The following AFF3 variants were observed in gnomAD, a reference collection of about 807,000 sequenced individuals.
The protein encoded by AFF3 is AF4/FMR2 family member 3.
A neutral mutation model predicts 129.7 loss-of-function variants in AFF3; 32 were observed. The observed-to-expected ratio is 0.25, with a 90% CI of 0.19 to 0.33. The LOEUF is 0.33. Ranked by LOEUF, AFF3 falls within the 10% of genes least tolerant of loss-of-function variation. AFF3 has a pLI of 1.00. For synonymous variants in AFF3, 644 were observed against 635.4 expected, an observed-to-expected ratio of 1.01 and a Z score of -0.20; for missense variants, 1,373 against 1,592.0, an observed-to-expected ratio of 0.86 and a Z score of 2.34.
chr2:100,031,632 T>C (rs1573188580), intron 4 of AFF3, among the ~76,000 whole-genome samples: 1 of 152,210 alleles, frequency 6.6e-6, no homozygotes, highest in East Asian at 1.9e-4. Flanking sequence ...AGGCACCTTG[T>C]AGTGCAGAAA....
In AFF3 at chr2:99,866,702, C is replaced by T. The variant is rs569913800; in HGVS notation, c.874-29178G>A. ...AAAAAATCAAGCACTGGCGGTCGGG[C>T]GTGGTGGCTCACGCTTGTAATTCCA... is the stretch of plus-strand genomic sequence containing the variant. On this transcript the variant is annotated intron_variant, in intron 7 of 24. Transcript: ENST00000672756. Among the ~76,000 whole-genome samples the T allele has an allele frequency of 2.1e-4, 32 of 152,062 alleles. No homozygotes were observed. In the South Asian group the frequency reaches 5.0e-3, roughly 24 times the overall value.
chr2:100,112,342 A>G (rs1691544305), intron 2 of AFF3: 2 of 152,240 alleles, frequency 1.3e-5, no homozygotes, highest in South Asian at 2.1e-4. Flanking sequence ...AATGCCCACA[A>G]CAAGATAGGA....
intron 11 of AFF3, among the ~76,000 whole-genome samples, chr2:99,673,351 C>T (rs1158752676): frequency 6.6e-6 from 1 of 152,110 alleles, no homozygotes; most frequent in African/African-American, 2.4e-5. Context: ...GAAGGTGATT[C>T]CCCAGCCCAC....
chr2:100,140,675 C>T (rs766858135), intron 1 of AFF3, among the ~76,000 whole-genome samples: 19 of 152,182 alleles, frequency 1.2e-4, no homozygotes, highest in South Asian at 4.1e-4. Flanking sequence ...TGGATGTCAC[C>T]GTTCCATGTG....
At chr2:99,793,316 CCTT>C (rs1307035717) in intron 8 of AFF3, among the ~76,000 whole-genome samples, 2 of 152,234 alleles carry the variant, frequency 1.3e-5, no homozygotes, top group Non-Finnish European at 2.9e-5. Flanking sequence ...CTAGCACTGT[CCTT>C]CTTAAACAGC....
chr2:100,086,917 T>C (rs1029918068), intron 4 of AFF3, among the ~76,000 whole-genome samples: 1 of 152,276 alleles, frequency 6.6e-6, no homozygotes, highest in African/African-American at 2.4e-5. Context: ...AAGACACACA[T>C]TATCTGCATT....
chr2:100,061,113 G>A (rs948111542), intron 4 of AFF3, among the ~76,000 whole-genome samples: 12 of 152,236 alleles, frequency 7.9e-5, no homozygotes, highest in East Asian at 7.7e-4. Flanking sequence ...TGACATAGTC[G>A]ATGTGAACTG....
At chr2:100,045,951 C>T (rs1164632943) in intron 4 of AFF3, among the ~76,000 whole-genome samples, 3 of 151,948 alleles carry the variant, frequency 2.0e-5, no homozygotes, top group African/African-American at 7.3e-5. Context: ...CATAGTTGAG[C>T]CTTTGGGAAG....
chr2:99,892,324 T>C (rs931835070), intron 7 of AFF3, among the ~76,000 whole-genome samples: 1 of 152,254 alleles, frequency 6.6e-6, no homozygotes, highest in African/African-American at 2.4e-5. Flanking sequence ...AAATAATATG[T>C]AGCTTAGATT....
intron 8 of AFF3, among the ~76,000 whole-genome samples, chr2:99,825,267 T>C (rs1687990325): frequency 6.6e-6 from 1 of 152,190 alleles, no homozygotes. Flanking sequence ...ATATGATTAT[T>C]ATCTAGATAG....
chr2:100,022,176 T>C (rs1248353517), intron 4 of AFF3, among the ~76,000 whole-genome samples: 1 of 152,198 alleles, frequency 6.6e-6, no homozygotes, highest in Non-Finnish European at 1.5e-5. Flanking sequence ...GGTCTTCCTA[T>C]AGCTGTGGCA....
intron 13 of AFF3, among the ~76,000 whole-genome samples, chr2:99,611,523 C>A (rs1680918520): frequency 6.6e-6 from 1 of 152,154 alleles, no homozygotes; most frequent in Admixed American, 6.5e-5. Context: ...GCTCCCCACT[C>A]AGGCTTTGCT....
At chr2:99,578,541 G>T in intron 17 of AFF3, 90 bp from the exon 18 acceptor site, 1 of 1,544,484 alleles carries the variant, frequency 6.5e-7, no homozygotes, top group Admixed American at 2.2e-5. Context: ...GAATATCTTT[G>T]GCTCTACAGA....
chr2:100,105,818 C>T, intron 2 of AFF3: 1 of 1,348,344 alleles, frequency 7.4e-7, no homozygotes, highest in Non-Finnish European at 9.8e-7. Context: ...AGGGATTCCC[C>T]AGAATTCCTA....
chr2:99,798,471 T>C lies in AFF3; in HGVS notation c.921+39006A>G, dbSNP rs543786061. On this transcript the variant is annotated intron_variant, in intron 8 of 24. Coordinates refer to ENST00000672756, the MANE Select transcript of AFF3 (RefSeq NM_001386135.1). ...TTTATCCAATCAGATAAATAATAAA[T>C]AATATATGTAAACACTATAAAATCC... 2.2e-3 allele frequency among the ~76,000 whole-genome samples: 334 copies of C among 151,982 alleles called. 2 individuals carry two copies. Among genetic ancestry groups the C allele is most frequent in the African/African-American group, 7.6e-3 (316 of 41,522 alleles).
chr2:99,643,887 G>C (rs1027101668), intron 13 of AFF3, among the ~76,000 whole-genome samples: 1 of 152,208 alleles, frequency 6.6e-6, no homozygotes, highest in Non-Finnish European at 1.5e-5. Flanking sequence ...GGGCAACAAG[G>C]AGATTGGATG....
intron 13 of AFF3, among the ~76,000 whole-genome samples, chr2:99,642,464 C>T (rs1244554319): frequency 1.3e-5 from 2 of 152,166 alleles, no homozygotes; most frequent in Non-Finnish European, 2.9e-5. Context: ...CCTGAGGCAT[C>T]TGTTGCAAGG....
intron 20 of AFF3, among the ~76,000 whole-genome samples, chr2:99,561,798 T>C (rs1243987777): frequency 7.0e-6 from 1 of 142,886 alleles, no homozygotes; most frequent in African/African-American, 2.9e-5. Flanking sequence ...ATATTCCTTC[T>C]TTTGTCATTT....
At chr2:99,826,619 C>G (rs1688099482) in intron 8 of AFF3, among the ~76,000 whole-genome samples, 1 of 151,978 alleles carries the variant, frequency 6.6e-6, no homozygotes, top group African/African-American at 2.4e-5. Context: ...TGAGTTGCGC[C>G]CAGAGGTGAT....
Sources: allele counts gnomAD v4.1 joint callset (sites outside exome capture counted in the v4.1 genomes callset), GRCh38; gene constraint gnomAD v4.1.1; transcripts MANE v1.5; gene names NCBI Gene and HGNC (gene_info 2026-07-23, HGNC 2026-07-21).